APOL5: variants seen among roughly 807,000 people sequenced by gnomAD.
APOL5 encodes apolipoprotein L, 5.
In APOL5, 29 loss-of-function variants were observed where a neutral mutation model predicts 35.5. That is an observed-to-expected ratio of 0.82 (90% confidence interval 0.61 to 1.11). APOL5 has a LOEUF of 1.11. Ranked by LOEUF, APOL5 falls within the 50% of genes most tolerant of loss-of-function variation. The pLI is 0.00. For missense variants in APOL5, 514 were observed against 530.4 expected, an observed-to-expected ratio of 0.97 and a Z score of 0.30; for synonymous variants, 188 against 200.2, an observed-to-expected ratio of 0.94 and a Z score of 0.51.
chr22:35,710,113 C>CTTTTTTTTTTTTTTTTTTTTTTTTTTTT, the APOL5 span, among the ~76,000 whole-genome samples: 1 of 86,668 alleles, frequency 1.2e-5, no homozygotes, highest in Non-Finnish European at 2.1e-5. Context: ...CTTTCTTTCT[C>CTTTTTTTTTTTTTTTTTTTTTTTTTTTT]TTTTTTTTTT....
chr22:35,711,086 C>T, the APOL5 span, among the ~76,000 whole-genome samples: 44 of 152,324 alleles, frequency 2.9e-4, 1 homozygote, highest in African/African-American at 9.9e-4. Flanking sequence ...AGGAGAATCG[C>T]TTGAAGCCGG....
At chr22:35,717,235 A>AAAAAAAAAAAAAAATATATATATAT, upstream of APOL5, among the ~76,000 whole-genome samples, 2 of 57,664 alleles carry the variant, frequency 3.5e-5, no homozygotes, top group Non-Finnish European at 6.2e-5. Context: ...AAAAAAAAAA[A>AAAAAAAAAAAAAAATATATATATAT]ATATATATAT....
chr22:35,718,439 G>A (rs549080778), intron 1 of APOL5, among the ~76,000 whole-genome samples: 2 of 152,104 alleles, frequency 1.3e-5, no homozygotes, highest in South Asian at 4.2e-4. Flanking sequence ...CCAACATGGT[G>A]AAACCCTGTC....
chr22:35,710,389 G>A, the APOL5 span, among the ~76,000 whole-genome samples: 6 of 150,072 alleles, frequency 4.0e-5, no homozygotes, highest in African/African-American at 1.2e-4. Context: ...TGATCCTCCC[G>A]CCTTGGCCTC....
At position 35,726,351 on chromosome 22, in the gene APOL5, C is replaced by A. The variant is rs373557007; in HGVS notation, c.283C>A (p.Leu95Met). Residue 95 changes from leucine (L) to methionine (M), a missense_variant, in exon 3 of 5, where the codon CTG (leucine) becomes ATG (methionine). Physicochemically the swap from Leu to Met is conservative, Grantham distance 15 (BLOSUM62 2). This residue lies in a region of APOL5 where 254 missense variants were observed against 254.7 expected (regional missense o/e 1.00). Transcript: ENST00000249044. The part of the protein sequence containing the change: ...CDKDSMPDGN[L>M]SEEEKLFLSY... Reference sequence around the variant, plus strand: ...CAAAGATTCCATGCCAGATGGAAATCTGTCAGAGGAGGAAAAATTGTTTCT... The same window carrying A: ...CAAAGATTCCATGCCAGATGGAAATATGTCAGAGGAGGAAAAATTGTTTCT... The A allele has an allele frequency of 1.2e-6, 2 of 1,614,044 alleles. No homozygotes were observed. Among genetic ancestry groups the A allele is most frequent in the Non-Finnish European group, 1.7e-6 (2 of 1,180,048 alleles).
chr22:35,722,377 AC>A (rs1927002640), intron 2 of APOL5, among the ~76,000 whole-genome samples: 1 of 152,176 alleles, frequency 6.6e-6, no homozygotes, highest in South Asian at 2.1e-4. Flanking sequence ...ATCTCGGCTC[AC>A]TGCAACCTCT....
chr22:35,714,504 G>T (rs1172009643), upstream of APOL5, among the ~76,000 whole-genome samples: 1 of 152,100 alleles, frequency 6.6e-6, no homozygotes, highest in Non-Finnish European at 1.5e-5. Context: ...TAGCATGAGG[G>T]ACAATGGCAA....
intron 2 of APOL5, among the ~76,000 whole-genome samples, chr22:35,724,192 G>A (rs1368020617): frequency 6.6e-6 from 1 of 151,708 alleles, no homozygotes; most frequent in Non-Finnish European, 1.5e-5. Context: ...GTCGCTAGGT[G>A]TGGTTGCATG....
At chr22:35,728,572 G>T in intron 3 of APOL5, 151 bp from the exon 4 acceptor site, 1 of 866,954 alleles carries the variant, frequency 1.2e-6, no homozygotes, top group Non-Finnish European at 1.7e-6. Flanking sequence ...GTGCCGCCAA[G>T]TTTGGGACCC....
chr22:35,728,740 C>G lies in APOL5; in HGVS notation c.1144C>G (p.Pro382Ala). Reference protein sequence around the residue: ...VKPEGSRSPLPWPVVEHQPRL... With the variant: ...VKPEGSRSPLAWPVVEHQPRL... ...TTCCACAGGGTCTCGCTCACCTCTC[C>G]CCTGGCCTGTTGTGGAGCACCAGCC... The change falls in exon 4 of 5, where the codon CCC (proline) becomes GCC (alanine). Residue 382 changes from proline (P) to alanine (A), a missense_variant. This residue lies in a region of APOL5 where 238 missense variants were observed against 229.1 expected (regional missense o/e 1.04). Transcript: ENST00000249044. 1 of 1,612,976 alleles carries G rather than the reference C, an allele frequency of 6.2e-7. No homozygotes were observed. The highest frequency in any genetic ancestry group is 1.1e-5 in the South Asian group (1 of 90,776).
chr22:35,720,391 A>G (rs1467590787), intron 1 of APOL5, among the ~76,000 whole-genome samples, 177 bp from the exon 2 acceptor site: 1 of 152,198 alleles, frequency 6.6e-6, no homozygotes, highest in Non-Finnish European at 1.5e-5. Flanking sequence ...GTTTGTTTAA[A>G]ATCATTAGAC....
At chr22:35,713,143 A>G (rs1399734843), upstream of APOL5, among the ~76,000 whole-genome samples, 3 of 152,168 alleles carry the variant, frequency 2.0e-5, no homozygotes, top group African/African-American at 7.2e-5. Context: ...TCTTCCTCCC[A>G]AAGCCCTGCT....
At chr22:35,710,113 C>CTTTTT in the APOL5 span, among the ~76,000 whole-genome samples, 8 of 86,668 alleles carry the variant, frequency 9.2e-5, 1 homozygote, top group African/African-American at 4.1e-4. Context: ...CTTTCTTTCT[C>CTTTTT]TTTTTTTTTT....
chr22:35,728,566 C>T (rs941349668), intron 3 of APOL5, among the ~76,000 whole-genome samples, 157 bp from the exon 4 acceptor site: 1 of 152,182 alleles, frequency 6.6e-6, no homozygotes, highest in African/African-American at 2.4e-5. Flanking sequence ...TCTGCGGTGC[C>T]GCCAAGTTTG....
At chr22:35,712,331 T>A in the APOL5 span, among the ~76,000 whole-genome samples, 1 of 151,754 alleles carries the variant, frequency 6.6e-6, no homozygotes, top group South Asian at 2.1e-4. Flanking sequence ...TCGGTAAGAG[T>A]CGTCTGCATA....
upstream of APOL5, among the ~76,000 whole-genome samples, chr22:35,714,544 G>A (rs1360794064): frequency 3.3e-5 from 5 of 152,132 alleles, no homozygotes; most frequent in African/African-American, 7.2e-5. Flanking sequence ...ACAATGCCTC[G>A]TTTTACCCTT....
Position 35,725,124 on chromosome 22 carries a change from C to G in APOL5, c.143-1087C>G, listed in dbSNP as rs369194111. On this transcript the variant is annotated intron_variant, in intron 2 of 4. Coordinates refer to ENST00000249044, the MANE Select transcript of APOL5 (RefSeq NM_030642.1). ...CCAGTGGGTTCATTTTGCCCTCTGC[C>G]CAGATAGAGTTGATTTATCAAGACA... Among the ~76,000 whole-genome samples, 66 of 152,142 alleles carry G rather than the reference C, an allele frequency of 4.3e-4. 1 individual carries two copies. The East Asian group carries it at 7.1e-3, about 16-fold the overall frequency.
intron 3 of APOL5, among the ~76,000 whole-genome samples, chr22:35,727,456 C>G (rs1233247580): frequency 6.6e-6 from 1 of 152,186 alleles, no homozygotes; most frequent in Non-Finnish European, 1.5e-5. Context: ...TGGGGGTGCT[C>G]CCTGTCTGCC....
chr22:35,717,235 A>AAAAAAATATATATATAT, upstream of APOL5, among the ~76,000 whole-genome samples: 1 of 57,662 alleles, frequency 1.7e-5, no homozygotes, highest in African/African-American at 7.9e-5. Context: ...AAAAAAAAAA[A>AAAAAAATATATATATAT]ATATATATAT....
Sources: gnomAD v4.1 joint callset for allele counts (sites outside exome capture counted in the v4.1 genomes callset) on GRCh38, gnomAD v4.1.1 for gene constraint, gnomAD v4.1.1 regional missense constraint, MANE v1.5 for transcripts, NCBI Gene and HGNC (gene_info 2026-07-23, HGNC 2026-07-21) for gene names.